ATAD3B: variants seen among roughly 807,000 people sequenced by gnomAD.
ATAD3B encodes the protein ATPase family AAA domain containing 3B.
Under a neutral mutation model 70.2 loss-of-function variants are expected in ATAD3B, and 59 were observed. That is an observed-to-expected ratio of 0.84 (90% CI 0.68 to 1.04). The LOEUF is 1.04. Ranked by LOEUF, ATAD3B falls within the 50% of genes least tolerant of loss-of-function variation. The pLI is 0.00. For synonymous variants in ATAD3B, 423 were observed against 388.6 expected (o/e 1.09, Z -1.04); for missense variants, 961 against 913.4 (o/e 1.05, Z -0.67).
At chr1:1,502,091 C>A (rs1302628972), downstream of ATAD3B, among the ~76,000 whole-genome samples, 1 of 151,962 alleles carries the variant, frequency 6.6e-6, no homozygotes, top group Non-Finnish European at 1.5e-5. Flanking sequence ...GTTGGCCAGG[C>A]TGGTCTTGAA....
At position 1,480,873 on chromosome 1, in the gene ATAD3B, C is replaced by G. The variant is rs1356720606; in HGVS notation, c.451C>G (p.Leu151Val). The G allele has an allele frequency of 4.4e-6, 7 of 1,594,314 alleles. No individual in the cohort carries two copies. The highest frequency in any genetic ancestry group is 4.6e-5 in the East Asian group (2 of 43,184). Residue 151 changes from leucine to valine, a missense_variant, in exon 5 of 16, where the codon CTC (leucine) becomes GTC (valine). This residue lies in a region of ATAD3B where 187 missense variants were observed against 244.3 expected (regional missense o/e 0.77). Coordinates refer to ENST00000673477, the MANE Select transcript of ATAD3B (RefSeq NM_031921.6). ...YEDQLKQQQLLNEENLRKQEE... is the reference protein window; with the variant it reads ...YEDQLKQQQLVNEENLRKQEE... ...TTCTGCGGCTTCTTCTCAGCAACTT[C>G]TCAATGAGGAGAATTTACGGAAGCA... is the stretch of plus-strand genomic sequence containing the variant.
Position 1,472,650 on chromosome 1 carries a change from G to A in ATAD3B, c.205+561G>A, listed in dbSNP as rs1402691179. The stretch of plus-strand genomic sequence containing the variant: ...GTAAACCCCTGACCCAAGGCCCTCA[G>A]GGTGTGAGCACTGACTGCACCTTCC... On this transcript the variant is annotated intron_variant, in intron 1 of 15. Transcript: ENST00000673477. 4.6e-5 allele frequency among the ~76,000 whole-genome samples: 7 copies of A among 152,170 alleles called. 1 individual carries two copies. In the East Asian group the frequency reaches 1.3e-3, roughly 29 times the overall value.
At chr1:1,474,781 G>A (rs925508045) in intron 1 of ATAD3B, among the ~76,000 whole-genome samples, 2 of 152,020 alleles carry the variant, frequency 1.3e-5, no homozygotes, top group African/African-American at 4.8e-5. Context: ...GATGACAGGC[G>A]TGAGCCGCTG....
chr1:1,498,595 A>G (rs1640869769), downstream of ATAD3B, among the ~76,000 whole-genome samples: 1 of 151,902 alleles, frequency 6.6e-6, no homozygotes, highest in Middle Eastern at 3.4e-3. Context: ...TTTGGTACAG[A>G]CGGGGTCTCT....
At chr1:1,492,582 G>C (rs1265469020) in intron 15 of ATAD3B, among the ~76,000 whole-genome samples, 2 of 151,368 alleles carry the variant, frequency 1.3e-5, no homozygotes, top group Non-Finnish European at 1.5e-5. Context: ...ATCACTTGAG[G>C]TCAGGAGTTC....
Position 1,495,488 on chromosome 1 carries a change from A to T in ATAD3B, c.1618A>T (p.Thr540Ser). 1 of 1,602,414 alleles carries T rather than the reference A, an allele frequency of 6.2e-7. No homozygotes were observed. Among genetic ancestry groups the T allele is most frequent in the South Asian group, 1.1e-5 (1 of 90,132 alleles). The change falls in exon 16 of 16, where the codon ACG becomes TCG. Residue 540 changes from threonine to serine, a missense_variant. Physicochemically the swap from Thr to Ser is moderately conservative, Grantham distance 58. Transcript: ENST00000673477. The stretch of plus-strand genomic sequence containing the variant: ...CAGCTCCCTCTCTCTTCACTAGGCC[A>T]CGGCATATGCCTCCAAGGACGGGGT... Reference protein sequence around the residue: ...IAQLAVSWQATAYASKDGVLT... With the variant: ...IAQLAVSWQASAYASKDGVLT...
At chr1:1,503,535 C>G in the ATAD3B span, 1 of 1,563,112 alleles carries the variant, frequency 6.4e-7, no homozygotes, top group Non-Finnish European at 8.7e-7. Context: ...GCCTGCCCAG[C>G]GGCATCCGTG....
Position 1,482,112 on chromosome 1 carries a change from T to C in ATAD3B, c.515-26T>C, listed in dbSNP as rs1639941022. The C allele has an allele frequency of 2.5e-6, 4 of 1,599,088 alleles. No individual in the cohort carries two copies. The African/African-American group carries it at 5.4e-5, about 21-fold the overall frequency. On this transcript the variant is annotated intron_variant, in intron 5 of 15. Coordinates refer to ENST00000673477, the MANE Select transcript of ATAD3B (RefSeq NM_031921.6). ...GTGGACGTGCTGCACTGCATGGTGC[T>C]GAGCTGCCCTGCCTCTCTGGGGCAG...
At chr1:1,491,263 C>T (rs1372339035) in intron 15 of ATAD3B, among the ~76,000 whole-genome samples, 5 of 152,112 alleles carry the variant, frequency 3.3e-5, no homozygotes, top group Admixed American at 2.0e-4. Context: ...AGGCCGGGCG[C>T]GGTGGCTCAC....
intron 4 of ATAD3B, among the ~76,000 whole-genome samples, chr1:1,479,420 G>A (rs1639779483): frequency 7.2e-6 from 1 of 138,276 alleles, no homozygotes; most frequent in Non-Finnish European, 1.6e-5. Context: ...CTGCACACAC[G>A]GGCCCACACA....
rs1480815371 is a variant in ATAD3B, at chr1:1,486,551, C to T, written c.1097C>T (p.Ala366Val). 5.0e-6 allele frequency: 8 copies of T among 1,612,020 alleles called. No homozygotes were observed. Among genetic ancestry groups the T allele is most frequent in the Non-Finnish European group, 6.8e-6 (8 of 1,179,460 alleles). The change falls in exon 11 of 16, where the codon GCC (alanine) becomes GTC (valine). Residue 366 changes from alanine (A) to valine (V), a missense_variant. By Grantham distance (64) the Ala-to-Val change is moderately conservative. This residue lies in a region of ATAD3B where 349 missense variants were observed against 307.5 expected (regional missense o/e 1.14). Coordinates refer to ENST00000673477, the MANE Select transcript of ATAD3B (RefSeq NM_031921.6). ...TGKTLFAKKL[A>V]LHSGMDYAIM... ...CTCACTCTTCTTGTCCAGAAACTCG[C>T]CCTGCACTCAGGCATGGACTACGCC...
At position 1,482,620 on chromosome 1, in the gene ATAD3B, CAT is replaced by C; in HGVS notation, c.750+9_750+10del. The C allele has an allele frequency of 6.2e-7, 1 of 1,613,368 alleles. No homozygotes were observed. Among genetic ancestry groups the C allele is most frequent in the Non-Finnish European group, 8.5e-7 (1 of 1,179,588 alleles). On this transcript the variant is annotated splice_region_variant and intron_variant, in intron 7 of 15. Coordinates refer to ENST00000673477, the MANE Select transcript of ATAD3B (RefSeq NM_031921.6). ...GGGACAAAGTGACAGCCACGGTAAACATATTCATAAAACAGGGCTGGCAGGTG... is the reference window on the plus strand; with the variant it reads ...GGGACAAAGTGACAGCCACGGTAAACATTCATAAAACAGGGCTGGCAGGTG...
the ATAD3B span, among the ~76,000 whole-genome samples, chr1:1,504,928 TTG>T: frequency 0.087 from 12,945 of 148,634 alleles, 990 homozygotes; most frequent in African/African-American, 0.2. Context: ...CTTCAACAGT[TTG>T]TGTGTGTGTG....
intron 9 of ATAD3B, 46 bp from the exon 10 acceptor site, chr1:1,486,063 TC>T: frequency 6.2e-7 from 1 of 1,611,902 alleles, no homozygotes. Context: ...CACCGAGGCT[TC>T]CGTGGGTGCA....
At chr1:1,492,392 A>C (rs1473399587) in intron 15 of ATAD3B, among the ~76,000 whole-genome samples, 6 of 151,770 alleles carry the variant, frequency 4.0e-5, no homozygotes, top group Non-Finnish European at 5.9e-5. Context: ...AGGCTGAGGC[A>C]GGAGAATTGC....
Position 1,485,303 on chromosome 1 carries a change from C to T in ATAD3B, c.906+132C>T, listed in dbSNP as rs988079198. 18 of 1,448,596 alleles carry T rather than the reference C, an allele frequency of 1.2e-5. No homozygotes were observed. The East Asian group carries it at 1.5e-4, about 12-fold the overall frequency. 89.7% of individuals were successfully genotyped at this position (1,448,596 alleles called of 1,614,324 possible). A position where few individuals can be genotyped will look rare whatever the true frequency, so the allele number is the denominator to read the frequency against. The stretch of plus-strand genomic sequence containing the variant: ...TAACAGGCACCCGCACGCTGCTTCA[C>T]GGGTGGGTTTTCCTGTCTGGCGCTG... On this transcript the variant is annotated intron_variant, in intron 8 of 15. Coordinates refer to ENST00000673477, the MANE Select transcript of ATAD3B (RefSeq NM_031921.6).
At position 1,496,308 on chromosome 1, in the gene ATAD3B, A is replaced by G; in HGVS notation, c.*491A>G. The G allele has an allele frequency of 4.4e-6, 4 of 910,676 alleles. No individual in the cohort carries two copies. The highest frequency in any genetic ancestry group is 5.3e-6 in the Non-Finnish European group (4 of 760,798). 56.4% of individuals were successfully genotyped at this position (910,676 alleles called of 1,614,324 possible). On this transcript the variant is annotated 3_prime_UTR_variant, in exon 16 of 16. Coordinates refer to ENST00000673477, the MANE Select transcript of ATAD3B (RefSeq NM_031921.6). ...AGAGGCAGAGGCTGGAGCTTTCTGG[A>G]GAATTTACTGATCACAGAGCGGTGT...
the ATAD3B span, among the ~76,000 whole-genome samples, chr1:1,504,819 A>AGTGACTGAGCTC: frequency 6.6e-6 from 1 of 151,968 alleles, no homozygotes; most frequent in African/African-American, 2.4e-5. Flanking sequence ...TGGCGGAGAG[A>AGTGACTGAGCTC]GTGACTGAGC....
chr1:1,493,265 C>G (rs145592166), intron 15 of ATAD3B, among the ~76,000 whole-genome samples: 3,306 of 151,950 alleles, frequency 0.022, 126 homozygotes, highest in African/African-American at 0.072. Context: ...TATCTCTGGC[C>G]AGAGCTTCCA....
Sources: allele counts gnomAD v4.1 joint callset (sites outside exome capture counted in the v4.1 genomes callset), GRCh38; gene constraint gnomAD v4.1.1; regional missense constraint gnomAD v4.1.1; transcripts MANE v1.5; gene names NCBI Gene and HGNC (gene_info 2026-07-23, HGNC 2026-07-21).